Variants in DDX10 observed in about 807,000 individuals in gnomAD.
DDX10 encodes the protein DEAD-box helicase 10, also known as probable ATP-dependent RNA helicase DDX10.
DDX10 carries 74 observed loss-of-function variants against 104.3 expected under a neutral mutation model. The ratio of observed to expected loss-of-function variants is 0.71; its 90% CI spans 0.59 to 0.86. The LOEUF is 0.86. Ranked by LOEUF, DDX10 falls within the 40% of genes least tolerant of loss-of-function variation. DDX10 has a pLI of 0.00. For missense variants in DDX10, 952 were observed against 1,040.0 expected, an observed-to-expected ratio of 0.92 and a Z score of 1.16; for synonymous variants, 351 against 353.4, an observed-to-expected ratio of 0.99 and a Z score of 0.08.
At position 108,740,056 on chromosome 11, in the gene DDX10, G is replaced by A. The variant is rs188017580; in HGVS notation, c.1965+16594G>A. ...TATATAGGTAAATTGCATGTCATGG[G>A]GGTTTGGTGTACAGATTATTTCATC... On this transcript the variant is annotated intron_variant, in intron 13 of 17. Transcript: ENST00000322536. Among the ~76,000 whole-genome samples, 6 of 151,638 alleles carry A rather than the reference G, an allele frequency of 4.0e-5. No homozygotes were observed. In the East Asian group the frequency reaches 1.2e-3, roughly 30 times the overall value.
intron 8 of DDX10, among the ~76,000 whole-genome samples, chr11:108,692,315 A>C (rs972153728): frequency 2.0e-5 from 3 of 152,232 alleles, no homozygotes; most frequent in Non-Finnish European, 4.4e-5. Context: ...GTTTAAAGAT[A>C]TGAAAACAAT....
At chr11:108,884,587 C>A (rs992914562) in intron 16 of DDX10, among the ~76,000 whole-genome samples, 2 of 152,192 alleles carry the variant, frequency 1.3e-5, no homozygotes, top group African/African-American at 4.8e-5. Context: ...AGCACTGGAT[C>A]GTATCTCAGC....
At chr11:108,787,274 G>C (rs1004342248) in intron 13 of DDX10, among the ~76,000 whole-genome samples, 1 of 152,042 alleles carries the variant, frequency 6.6e-6, no homozygotes, top group Non-Finnish European at 1.5e-5. Context: ...TGCCTTTCAG[G>C]TTTTTTTCTT....
intron 16 of DDX10, among the ~76,000 whole-genome samples, chr11:108,876,386 C>T (rs2134628025): frequency 6.6e-6 from 1 of 152,252 alleles, no homozygotes; most frequent in South Asian, 2.1e-4. Flanking sequence ...CAGGAAAAAC[C>T]TCAGACTTCA....
At chr11:108,726,778 G>A (rs1454208277) in intron 13 of DDX10, among the ~76,000 whole-genome samples, 1 of 152,080 alleles carries the variant, frequency 6.6e-6, no homozygotes, top group Non-Finnish European at 1.5e-5. Flanking sequence ...TACTGAGGGG[G>A]AAGCATTCAG....
intron 13 of DDX10, among the ~76,000 whole-genome samples, chr11:108,745,184 C>CTCCCCTTCCT (rs1217151648): frequency 7.1e-6 from 1 of 141,132 alleles, no homozygotes; most frequent in Non-Finnish European, 1.5e-5. Context: ...CTCCCCTCCC[C>CTCCCCTTCCT]TCCCCTTCCT....
chr11:108,817,863 A>T (rs1479098969), intron 13 of DDX10, among the ~76,000 whole-genome samples: 1 of 152,232 alleles, frequency 6.6e-6, no homozygotes, highest in African/African-American at 2.4e-5. Flanking sequence ...TTAAATGTGG[A>T]TCAGGCATTT....
At chr11:108,847,771 A>G (rs1233860053) in intron 15 of DDX10, among the ~76,000 whole-genome samples, 6 of 152,218 alleles carry the variant, frequency 3.9e-5, no homozygotes, top group Admixed American at 3.9e-4. Context: ...TGGACCCTGC[A>G]GTAAGTTTAC....
At chr11:108,885,350 A>G (rs985945878) in intron 16 of DDX10, among the ~76,000 whole-genome samples, 4 of 124,280 alleles carry the variant, frequency 3.2e-5, no homozygotes, top group Non-Finnish European at 4.8e-5. Context: ...ATCTCCATTC[A>G]TTGTCACTTT....
chr11:108,713,529 CTTA>C (rs1246767852), intron 10 of DDX10, among the ~76,000 whole-genome samples: 2 of 152,150 alleles, frequency 1.3e-5, no homozygotes, highest in African/African-American at 4.8e-5. Flanking sequence ...GGATTTCCAT[CTTA>C]TTATGTTGCT....
chr11:108,880,879 G>T (rs1863219013), intron 16 of DDX10, among the ~76,000 whole-genome samples: 1 of 152,092 alleles, frequency 6.6e-6, no homozygotes, highest in African/African-American at 2.4e-5. Flanking sequence ...TTGAAGTCTT[G>T]CTGCTATTGA....
chr11:108,678,249 T>A (rs1004524663), intron 4 of DDX10, 66 bp from the exon 5 acceptor site: 1 of 1,512,572 alleles, frequency 6.6e-7, no homozygotes, highest in South Asian at 1.4e-5. Context: ...ATGGCTTTTA[T>A]AGCTTTGGTA....
At chr11:108,710,349 C>T (rs2094282590) in intron 10 of DDX10, among the ~76,000 whole-genome samples, 1 of 152,104 alleles carries the variant, frequency 6.6e-6, no homozygotes, top group Non-Finnish European at 1.5e-5. Context: ...TGTAATTACA[C>T]TTAGCTTAAA....
intron 13 of DDX10, among the ~76,000 whole-genome samples, chr11:108,818,020 A>G (rs1379079113): frequency 6.6e-6 from 1 of 152,222 alleles, no homozygotes; most frequent in Non-Finnish European, 1.5e-5. Context: ...GCAGTGTTTT[A>G]ATACCTGTCT....
Position 108,940,466 on chromosome 11 carries a change from CTGCGTAGG to C in DDX10, c.*44_*51del, listed in dbSNP as rs1864094898. Reference sequence around the variant, plus strand: ...CTTCTCCTTGAAACCTTGGTTATGACTGCGTAGGCAAGAAGTTGAAAAACAGTTGATTT... The same window carrying C: ...CTTCTCCTTGAAACCTTGGTTATGACCAAGAAGTTGAAAAACAGTTGATTT... On this transcript the variant is annotated 3_prime_UTR_variant, in exon 18 of 18. Coordinates refer to ENST00000322536, the MANE Select transcript of DDX10 (RefSeq NM_004398.4). 6.3e-7 allele frequency: 1 copy of C among 1,594,606 alleles called. No individual in the cohort carries two copies. The highest frequency in any genetic ancestry group is 1.7e-5 in the Admixed American group (1 of 58,016).
intron 13 of DDX10, among the ~76,000 whole-genome samples, chr11:108,815,701 C>T (rs1862245934): frequency 1.3e-5 from 2 of 151,966 alleles, no homozygotes; most frequent in African/African-American, 4.8e-5. Context: ...TTCTAATAAA[C>T]ACAGTGATAA....
At chr11:108,769,816 AC>A (rs1371452124) in intron 13 of DDX10, among the ~76,000 whole-genome samples, 1 of 152,200 alleles carries the variant, frequency 6.6e-6, no homozygotes, top group African/African-American at 2.4e-5. Flanking sequence ...TGTGGGTTAT[AC>A]CTATTGATAT....
intron 15 of DDX10, 58 bp downstream of exon 15, chr11:108,841,534 A>G: frequency 6.9e-7 from 1 of 1,448,498 alleles, no homozygotes; most frequent in Non-Finnish European, 9.5e-7. Context: ...AAGTATATCT[A>G]AATATTCATT....
chr11:108,867,403 T>C (rs1372562033), intron 16 of DDX10, among the ~76,000 whole-genome samples: 2 of 152,206 alleles, frequency 1.3e-5, no homozygotes, highest in Non-Finnish European at 2.9e-5. Flanking sequence ...CATTTGACAC[T>C]CTACCTTGGG....
Sources: allele counts gnomAD v4.1 joint callset (sites outside exome capture counted in the v4.1 genomes callset), GRCh38; gene constraint gnomAD v4.1.1; transcripts MANE v1.5; gene names NCBI Gene and HGNC (gene_info 2026-07-23, HGNC 2026-07-21).